FBXL7: variants seen among roughly 807,000 people sequenced by gnomAD.
FBXL7 encodes F-box and leucine rich repeat protein 7.
Under a neutral mutation model 38.3 loss-of-function variants are expected in FBXL7, and 12 were observed. That is an observed-to-expected ratio of 0.31 (90% CI 0.20 to 0.51). FBXL7 has a LOEUF of 0.51. Ranked by LOEUF, FBXL7 falls within the 20% of genes least tolerant of loss-of-function variation. FBXL7 has a pLI of 0.98. For synonymous variants in FBXL7, 297 were observed against 300.9 expected (o/e 0.99, Z 0.13); for missense variants, 567 against 676.4 (o/e 0.84, Z 1.79).
intron 1 of FBXL7, among the ~76,000 whole-genome samples, chr5:15,523,405 A>C (rs186687137): frequency 1.0e-3 from 158 of 152,176 alleles, no homozygotes; most frequent in African/African-American, 3.7e-3. Context: ...AAAAATACAA[A>C]AAAATTAGCT....
chr5:15,715,433 GT>G (rs1222741568), intron 2 of FBXL7, among the ~76,000 whole-genome samples: 2 of 150,286 alleles, frequency 1.3e-5, no homozygotes, highest in Non-Finnish European at 3.0e-5. Flanking sequence ...GGAGTTTGCA[GT>G]GGGCCGAGAT....
chr5:15,846,166 A>C (rs1157967835), intron 2 of FBXL7, among the ~76,000 whole-genome samples: 3 of 152,216 alleles, frequency 2.0e-5, no homozygotes, highest in Non-Finnish European at 4.4e-5. Flanking sequence ...TATCACAATG[A>C]ATGAATCCTT....
intron 2 of FBXL7, among the ~76,000 whole-genome samples, chr5:15,830,005 T>C (rs1436072277): frequency 1.3e-5 from 2 of 152,142 alleles, no homozygotes; most frequent in Non-Finnish European, 2.9e-5. Context: ...TGATGACAAA[T>C]GAGCAAAGAA....
At chr5:15,636,280 C>T (rs1374414103) in intron 2 of FBXL7, among the ~76,000 whole-genome samples, 2 of 152,126 alleles carry the variant, frequency 1.3e-5, no homozygotes, top group East Asian at 1.9e-4. Context: ...CCTCAACTCT[C>T]CTCATCTACA....
At chr5:15,564,070 T>C (rs1738492865) in intron 1 of FBXL7, among the ~76,000 whole-genome samples, 1 of 152,132 alleles carries the variant, frequency 6.6e-6, no homozygotes, top group South Asian at 2.1e-4. Flanking sequence ...TTTGTGAATG[T>C]GTTTTCTGCA....
At chr5:15,859,179 C>T (rs576035348) in intron 2 of FBXL7, among the ~76,000 whole-genome samples, 9 of 152,198 alleles carry the variant, frequency 5.9e-5, no homozygotes, top group Admixed American at 2.0e-4. Context: ...ACTGTGTCCA[C>T]CAGGATTGGA....
At chr5:15,797,697 T>TA (rs565332101) in intron 2 of FBXL7, among the ~76,000 whole-genome samples, 1 of 152,212 alleles carries the variant, frequency 6.6e-6, no homozygotes, top group Non-Finnish European at 1.5e-5. Flanking sequence ...AACCTTGATC[T>TA]AAAATCAGTA....
chr5:15,638,945 G>A (rs547582947), intron 2 of FBXL7, among the ~76,000 whole-genome samples: 8 of 152,190 alleles, frequency 5.3e-5, no homozygotes, highest in African/African-American at 1.4e-4. Flanking sequence ...AAGTTCAGTC[G>A]GAGCTACCTA....
At chr5:15,884,671 C>CA (rs1416210486) in intron 2 of FBXL7, among the ~76,000 whole-genome samples, 1 of 152,090 alleles carries the variant, frequency 6.6e-6, no homozygotes, top group Non-Finnish European at 1.5e-5. Context: ...TTGAAAATAT[C>CA]AAATTCAAGA....
rs192894007 is a variant in FBXL7, at chr5:15,923,491, A to G, written c.128-4399A>G. ...AAGCTATTCATAGTTTATCCATAAC[A>G]AAATTTATTTTCAAATGTAAATACA... On this transcript the variant is annotated intron_variant, in intron 2 of 3. Transcript: ENST00000504595. Among the ~76,000 whole-genome samples, 7 of 152,338 alleles carry G rather than the reference A, an allele frequency of 4.6e-5. No homozygotes were observed. In the East Asian group the frequency reaches 1.3e-3, roughly 29 times the overall value.
chr5:15,858,753 A>G lies in FBXL7; in HGVS notation c.128-69137A>G, dbSNP rs139138049. ...TATTTTGATTTTTTGAGTCTGATTT[A>G]AGTTGTTGCTTCTCTTATTTAATAA... On this transcript the variant is annotated intron_variant, in intron 2 of 3. Coordinates refer to ENST00000504595, the MANE Select transcript of FBXL7 (RefSeq NM_012304.5). 2.6e-5 allele frequency among the ~76,000 whole-genome samples: 4 copies of G among 152,230 alleles called. No individual in the cohort carries two copies. The East Asian group carries it at 7.7e-4, about 29-fold the overall frequency.
At chr5:15,821,771 C>T (rs969626284) in intron 2 of FBXL7, among the ~76,000 whole-genome samples, 6 of 152,326 alleles carry the variant, frequency 3.9e-5, no homozygotes, top group African/African-American at 1.4e-4. Flanking sequence ...CCACCAAGCT[C>T]TACTTCCTCT....
At chr5:15,624,173 C>G (rs376378732) in intron 2 of FBXL7, among the ~76,000 whole-genome samples, 2 of 152,010 alleles carry the variant, frequency 1.3e-5, no homozygotes, top group African/African-American at 4.8e-5. Context: ...ACTTTAAATC[C>G]TTAGTTATTG....
Position 15,514,729 on chromosome 5 carries a change from G to A in FBXL7, c.37+14016G>A, listed in dbSNP as rs868234469. 4.6e-5 allele frequency among the ~76,000 whole-genome samples: 7 copies of A among 152,124 alleles called. No homozygotes were observed. In the South Asian group the frequency reaches 6.2e-4, roughly 14 times the overall value. On this transcript the variant is annotated intron_variant, in intron 1 of 3. Transcript: ENST00000504595. The stretch of plus-strand genomic sequence containing the variant: ...TCGTCTGTACAGATGGCCTCTTCAG[G>A]ACTGACATGTCCCTGCCCCCGGCTG...
intron 2 of FBXL7, among the ~76,000 whole-genome samples, chr5:15,706,344 T>G (rs1227640689): frequency 1.3e-5 from 2 of 152,164 alleles, no homozygotes; most frequent in Non-Finnish European, 2.9e-5. Flanking sequence ...GTGATGTGCC[T>G]TCTCCCCCTT....
intron 1 of FBXL7, among the ~76,000 whole-genome samples, chr5:15,556,809 C>A (rs1441238255): frequency 6.6e-6 from 1 of 152,114 alleles, no homozygotes; most frequent in Non-Finnish European, 1.5e-5. Context: ...TATTTATTAA[C>A]CTGGTTTTGG....
chr5:15,805,166 C>T (rs1230844737), intron 2 of FBXL7, among the ~76,000 whole-genome samples: 1 of 152,132 alleles, frequency 6.6e-6, no homozygotes, highest in Non-Finnish European at 1.5e-5. Context: ...CCTTACTTAC[C>T]TCTTTAAAGA....
chr5:15,851,666 A>G (rs911828287), intron 2 of FBXL7, among the ~76,000 whole-genome samples: 7 of 152,096 alleles, frequency 4.6e-5, no homozygotes, highest in African/African-American at 1.7e-4. Flanking sequence ...TTGCATTATC[A>G]TTTTAGTTCC....
intron 1 of FBXL7, chr5:15,580,903 G>C: frequency 3.7e-6 from 3 of 821,906 alleles, no homozygotes; most frequent in Non-Finnish European, 4.4e-6. Context: ...TTGGAATCCT[G>C]TGATCCACTC....
Sources: gnomAD v4.1 joint callset for allele counts (sites outside exome capture counted in the v4.1 genomes callset) on GRCh38, gnomAD v4.1.1 for gene constraint, MANE v1.5 for transcripts, NCBI Gene and HGNC (gene_info 2026-07-23, HGNC 2026-07-21) for gene names.